The following PTPRT variants were observed in gnomAD, a reference collection of about 807,000 sequenced individuals.
PTPRT encodes protein tyrosine phosphatase receptor type T.
PTPRT carries 56 observed loss-of-function variants against 176.8 expected under a neutral mutation model. That is an observed-to-expected ratio of 0.32 (90% CI 0.26 to 0.40). The LOEUF is 0.40. PTPRT is among the 10% of genes least tolerant of loss of function. The pLI is 1.00. For missense variants in PTPRT, 1,540 were observed against 1,908.2 expected, an observed-to-expected ratio of 0.81 and a Z score of 3.60; for synonymous variants, 783 against 739.0, an observed-to-expected ratio of 1.06 and a Z score of -0.96.
chr20:42,878,426 T>C (rs935301033), intron 2 of PTPRT, among the ~76,000 whole-genome samples: 1 of 152,244 alleles, frequency 6.6e-6, no homozygotes, highest in Non-Finnish European at 1.5e-5. Flanking sequence ...TGAATACACA[T>C]TATTTTTGCC....
chr20:43,004,080 G>C (rs1310598694), intron 1 of PTPRT, among the ~76,000 whole-genome samples: 1 of 149,884 alleles, frequency 6.7e-6, no homozygotes, highest in Non-Finnish European at 1.5e-5. Flanking sequence ...ACAACCCCAA[G>C]CCAAAAATAT....
At chr20:42,253,698 T>C (rs2056587301) in intron 13 of PTPRT, among the ~76,000 whole-genome samples, 1 of 152,176 alleles carries the variant, frequency 6.6e-6, no homozygotes, top group Non-Finnish European at 1.5e-5. Context: ...TTGAGTCTCC[T>C]GTGTGATGTG....
chr20:42,357,817 G>A (rs761431843), intron 9 of PTPRT, among the ~76,000 whole-genome samples: 12 of 152,164 alleles, frequency 7.9e-5, no homozygotes, highest in Non-Finnish European at 1.5e-4. Context: ...GGGAGGCTGA[G>A]GCAGGAGGAT....
intron 9 of PTPRT, among the ~76,000 whole-genome samples, chr20:42,426,789 G>GTGTCC (rs1425031467): frequency 1.3e-5 from 2 of 152,188 alleles, no homozygotes. Context: ...CCCCTGTTGT[G>GTGTCC]TGTCCTGCAA....
At chr20:42,272,445 A>G (rs961373614) in intron 13 of PTPRT, among the ~76,000 whole-genome samples, 26 of 152,062 alleles carry the variant, frequency 1.7e-4, no homozygotes, top group Admixed American at 1.7e-3. Flanking sequence ...TAGGCAAGAC[A>G]AAGACTGTCG....
chr20:42,475,508 T>A lies in PTPRT; in HGVS notation c.1154-2946A>T, dbSNP rs151110447. ...GAGGTCTGCCAGAGTAGAAAACCTG[T>A]GTTTTCTCAGCACCTTGACGCCACC... On this transcript the variant is annotated intron_variant, in intron 7 of 30. Coordinates refer to ENST00000373187, the MANE Select transcript of PTPRT (RefSeq NM_007050.6). Among the ~76,000 whole-genome samples, 1,208 of 152,204 alleles carry A rather than the reference T, an allele frequency of 7.9e-3. 11 individuals carry two copies. Among genetic ancestry groups the A allele is most frequent in the Middle Eastern group, 0.014 (4 of 294 alleles).
chr20:42,550,558 C>G (rs1274603651), intron 7 of PTPRT, among the ~76,000 whole-genome samples: 2 of 152,000 alleles, frequency 1.3e-5, no homozygotes, highest in East Asian at 3.9e-4. Context: ...TGATCCAAAG[C>G]CAAGTTACCC....
chr20:42,542,087 T>G (rs1412532149), intron 7 of PTPRT, among the ~76,000 whole-genome samples: 6 of 152,174 alleles, frequency 3.9e-5, no homozygotes, highest in Non-Finnish European at 7.4e-5. Flanking sequence ...GCACATGCTC[T>G]CTTGCCTGCC....
rs116936980 is a variant in PTPRT at position 42,550,206 on chromosome 20, C to T, written c.1154-77644G>A. On this transcript the variant is annotated intron_variant, in intron 7 of 30. Coordinates refer to ENST00000373187, the MANE Select transcript of PTPRT (RefSeq NM_007050.6). ...CCCCAACTTTCTTGCCATAGGGGTA[C>T]GTATGTGACTTTAGGAAGGACAGTG... Among the ~76,000 whole-genome samples the T allele has an allele frequency of 7.2e-5, 11 of 152,156 alleles. No homozygotes were observed. The East Asian group carries it at 1.7e-3, about 24-fold the overall frequency.
At chr20:42,184,512 CCT>C (rs2146604262) in intron 16 of PTPRT, among the ~76,000 whole-genome samples, 1 of 84,414 alleles carries the variant, frequency 1.2e-5, no homozygotes, top group African/African-American at 4.1e-5. Context: ...TCCTCCTCCT[CCT>C]CCTCCTTCTT....
chr20:42,206,655 G>A (rs939381296), intron 15 of PTPRT, among the ~76,000 whole-genome samples: 4 of 152,232 alleles, frequency 2.6e-5, no homozygotes, highest in Non-Finnish European at 4.4e-5. Context: ...CTCGCTGATT[G>A]CTAGCACAGC....
intron 7 of PTPRT, among the ~76,000 whole-genome samples, chr20:42,651,483 AG>A (rs1337766545): frequency 1.3e-5 from 2 of 152,200 alleles, no homozygotes; most frequent in Admixed American, 1.3e-4. Context: ...GAGAAAGCTG[AG>A]GCTCAAAGAG....
chr20:42,876,217 T>C (rs1432529194), intron 2 of PTPRT, among the ~76,000 whole-genome samples: 1 of 152,088 alleles, frequency 6.6e-6, no homozygotes, highest in African/African-American at 2.4e-5. Flanking sequence ...AAGAAAAAAA[T>C]GTACTGACTC....
chr20:42,199,573 G>A (rs908902357), intron 15 of PTPRT, among the ~76,000 whole-genome samples, 185 bp from the exon 16 acceptor site: 7 of 152,124 alleles, frequency 4.6e-5, no homozygotes, highest in African/African-American at 1.2e-4. Flanking sequence ...TGAGACTCAC[G>A]CTGCTGCCTC....
intron 9 of PTPRT, among the ~76,000 whole-genome samples, chr20:42,377,264 C>T (rs373402249): frequency 1.3e-5 from 2 of 152,094 alleles, no homozygotes; most frequent in African/African-American, 4.8e-5. Context: ...CCCAAGTGGA[C>T]CCCTGAGCTC....
At chr20:42,846,981 T>C (rs2078384304) in intron 2 of PTPRT, among the ~76,000 whole-genome samples, 1 of 152,196 alleles carries the variant, frequency 6.6e-6, no homozygotes, top group Non-Finnish European at 1.5e-5. Context: ...AATGGGGCCA[T>C]TCTATGCCTG....
intron 7 of PTPRT, among the ~76,000 whole-genome samples, chr20:42,545,390 T>G (rs2072656845): frequency 6.6e-6 from 1 of 152,190 alleles, no homozygotes; most frequent in Non-Finnish European, 1.5e-5. Context: ...CTGACAGCAG[T>G]GTGTGCAGCC....
At chr20:42,939,940 T>A (rs186711228) in intron 1 of PTPRT, among the ~76,000 whole-genome samples, 1 of 152,174 alleles carries the variant, frequency 6.6e-6, no homozygotes, top group Non-Finnish European at 1.5e-5. Context: ...AGAAAGATGA[T>A]CTTCCCACTC....
At chr20:42,740,493 A>G (rs371633094) in intron 6 of PTPRT, among the ~76,000 whole-genome samples, 21 of 152,290 alleles carry the variant, frequency 1.4e-4, no homozygotes, top group African/African-American at 5.1e-4. Context: ...AACTATGTCA[A>G]TGACCGCACA....
Sources: gnomAD v4.1 joint callset for allele counts (sites outside exome capture counted in the v4.1 genomes callset) on GRCh38, gnomAD v4.1.1 for gene constraint, MANE v1.5 for transcripts, NCBI Gene and HGNC (gene_info 2026-07-23, HGNC 2026-07-21) for gene names.